The following CNTN5 variants were observed in gnomAD, a reference collection of about 807,000 sequenced individuals.
The protein encoded by CNTN5 is contactin-5.
A neutral mutation model predicts 129.1 loss-of-function variants in CNTN5; 77 were observed. That is an observed-to-expected ratio of 0.60 (90% confidence interval 0.50 to 0.72). The LOEUF is 0.72. Among genes scored for constraint, CNTN5 ranks in the 30% least tolerant of loss-of-function variants. The pLI, the probability that CNTN5 is intolerant of heterozygous loss-of-function variation, is 0.00. For synonymous variants in CNTN5, 509 were observed against 465.6 expected (o/e 1.09, Z -1.20); for missense variants, 1,478 against 1,328.8 (o/e 1.11, Z -1.75).
rs373259700 is a variant in CNTN5, at chr11:99,618,840, AAATG to A, written c.55+62572_55+62575del. On this transcript the variant is annotated intron_variant, in intron 3 of 24. Coordinates refer to ENST00000524871, the MANE Select transcript of CNTN5 (RefSeq NM_014361.4). ...AAAATATCTCATTTACCCCATAAAT[AAATG>A]CATACACCTACTATCTGCAAAAATT... Among the ~76,000 whole-genome samples, 34 of 152,334 alleles carry A rather than the reference AAATG, an allele frequency of 2.2e-4. 1 individual carries two copies. The South Asian group carries it at 6.6e-3, about 30-fold the overall frequency.
At chr11:99,527,489 T>C (rs1411518118) in intron 2 of CNTN5, among the ~76,000 whole-genome samples, 4 of 152,148 alleles carry the variant, frequency 2.6e-5, no homozygotes, top group African/African-American at 9.7e-5. Flanking sequence ...AAATTAACTA[T>C]GCAAAAGAAT....
chr11:99,097,184 G>C lies in CNTN5; in HGVS notation c.-210+75914G>C, dbSNP rs138618302. Among the ~76,000 whole-genome samples, 309 of 151,976 alleles carry C rather than the reference G, an allele frequency of 2.0e-3. 1 individual carries two copies. The highest frequency in any genetic ancestry group is 7.1e-3 in the African/African-American group (293 of 41,524). On this transcript the variant is annotated intron_variant, in intron 1 of 24. Coordinates refer to ENST00000524871, the MANE Select transcript of CNTN5 (RefSeq NM_014361.4). Reference sequence around the variant, plus strand: ...TATCCTTTTATCCAAATGTCACCTTGTGTCTTTTAATCCAATGTCCCTTGC... The same window carrying C: ...TATCCTTTTATCCAAATGTCACCTTCTGTCTTTTAATCCAATGTCCCTTGC...
At chr11:99,326,002 C>G (rs1274931391) in intron 2 of CNTN5, among the ~76,000 whole-genome samples, 1 of 152,138 alleles carries the variant, frequency 6.6e-6, no homozygotes, top group African/African-American at 2.4e-5. Flanking sequence ...TGAAGGCAGA[C>G]GACTTTTATG....
intron 15 of CNTN5, among the ~76,000 whole-genome samples, chr11:100,220,196 G>A (rs1314686928): frequency 2.6e-5 from 4 of 151,882 alleles, no homozygotes; most frequent in Admixed American, 6.6e-5. Context: ...AGAATGGTGC[G>A]AACCCGGGAG....
At chr11:99,752,841 C>G (rs997400916) in intron 3 of CNTN5, among the ~76,000 whole-genome samples, 3 of 152,130 alleles carry the variant, frequency 2.0e-5, no homozygotes, top group Non-Finnish European at 2.9e-5. Flanking sequence ...CAAATCTTAG[C>G]TATGCCGTAG....
chr11:99,792,668 C>T (rs966634521), intron 3 of CNTN5, among the ~76,000 whole-genome samples: 2 of 151,672 alleles, frequency 1.3e-5, no homozygotes, highest in South Asian at 2.1e-4. Flanking sequence ...ACAACTCAAC[C>T]TTTTGGAGTA....
intron 13 of CNTN5, among the ~76,000 whole-genome samples, chr11:100,128,978 A>G (rs1255328196): frequency 6.6e-6 from 1 of 152,140 alleles, no homozygotes; most frequent in Non-Finnish European, 1.5e-5. Flanking sequence ...ATTTCAGATC[A>G]TTAATATTTG....
intron 1 of CNTN5, among the ~76,000 whole-genome samples, chr11:99,247,442 G>A (rs1484147823): frequency 2.0e-5 from 3 of 151,124 alleles, no homozygotes; most frequent in African/African-American, 4.9e-5. Flanking sequence ...TGTAAGCCCT[G>A]CTACATTTCT....
intron 3 of CNTN5, among the ~76,000 whole-genome samples, chr11:99,678,793 G>T (rs1204124889): frequency 6.6e-6 from 1 of 151,882 alleles, no homozygotes; most frequent in African/African-American, 2.4e-5. Context: ...CTACAGTAAA[G>T]AAATAAATTA....
intron 1 of CNTN5, among the ~76,000 whole-genome samples, chr11:99,081,495 AAAT>A (rs1410396692): frequency 1.3e-5 from 2 of 152,310 alleles, no homozygotes; most frequent in East Asian, 3.9e-4. Flanking sequence ...TTAGGAGAAA[AAAT>A]AATAATCACA....
chr11:99,077,199 G>A (rs995286895), intron 1 of CNTN5, among the ~76,000 whole-genome samples: 2 of 144,040 alleles, frequency 1.4e-5, no homozygotes, highest in Non-Finnish European at 3.0e-5. Flanking sequence ...CCTTAACACT[G>A]TTAGAAAATG....
At chr11:100,002,182 T>G in intron 9 of CNTN5, 46 bp downstream of exon 9, 2 of 1,224,478 alleles carry the variant, frequency 1.6e-6, no homozygotes, top group Non-Finnish European at 2.2e-6. Context: ...TTTATTAAAA[T>G]GTGACATATC....
chr11:99,287,843 A>T (rs893328181), intron 1 of CNTN5, among the ~76,000 whole-genome samples: 1 of 152,008 alleles, frequency 6.6e-6, no homozygotes, highest in African/African-American at 2.4e-5. Context: ...AGGAGGAGGA[A>T]AAGAAGGGGG....
intron 1 of CNTN5, among the ~76,000 whole-genome samples, chr11:99,285,809 A>G (rs908117056): frequency 6.6e-6 from 1 of 152,024 alleles, no homozygotes; most frequent in Non-Finnish European, 1.5e-5. Context: ...AGGCCAATGC[A>G]GGCAGATCAC....
At chr11:100,338,433 T>C (rs1952081568) in intron 21 of CNTN5, among the ~76,000 whole-genome samples, 1 of 152,158 alleles carries the variant, frequency 6.6e-6, no homozygotes, top group Admixed American at 6.5e-5. Context: ...GAAAATATGT[T>C]TTTGGCTTTC....
chr11:99,569,043 T>A (rs1176447320), intron 3 of CNTN5, among the ~76,000 whole-genome samples: 1 of 152,096 alleles, frequency 6.6e-6, no homozygotes, highest in East Asian at 1.9e-4. Context: ...GGCTTTAACC[T>A]CTCTGTGGCT....
intron 9 of CNTN5, among the ~76,000 whole-genome samples, chr11:100,017,922 G>C (rs1940920883): frequency 6.6e-6 from 1 of 151,968 alleles, no homozygotes; most frequent in African/African-American, 2.4e-5. Context: ...AAATAGAATA[G>C]ACAAAGACTG....
intron 3 of CNTN5, among the ~76,000 whole-genome samples, chr11:99,816,711 C>A (rs537413236): frequency 6.6e-6 from 1 of 152,110 alleles, no homozygotes; most frequent in Non-Finnish European, 1.5e-5. Context: ...CTAGAACTTA[C>A]GTTGCTCTCC....
intron 2 of CNTN5, among the ~76,000 whole-genome samples, chr11:99,496,955 A>G (rs1331813395): frequency 3.3e-5 from 5 of 152,244 alleles, no homozygotes; most frequent in African/African-American, 1.2e-4. Context: ...ATCGTCGGCC[A>G]GAATTCAAGT....
Sources: allele counts gnomAD v4.1 joint callset (sites outside exome capture counted in the v4.1 genomes callset), GRCh38; gene constraint gnomAD v4.1.1; transcripts MANE v1.5; gene names NCBI Gene and HGNC (gene_info 2026-07-23, HGNC 2026-07-21).